Variants in RNF111 observed in about 807,000 individuals in gnomAD.
RNF111 encodes the protein E3 ubiquitin-protein ligase Arkadia.
Under a neutral mutation model 95.1 loss-of-function variants are expected in RNF111, and 17 were observed. The observed-to-expected ratio is 0.18, with a 90% CI of 0.12 to 0.27. The LOEUF is 0.27. Among genes scored for constraint, RNF111 ranks in the 10% least tolerant of loss-of-function variants. The pLI, the probability that RNF111 is intolerant of heterozygous loss-of-function variation, is 1.00. For missense variants in RNF111, 1,189 were observed against 1,210.4 expected, an observed-to-expected ratio of 0.98 and a Z score of 0.26; for synonymous variants, 440 against 414.8, an observed-to-expected ratio of 1.06 and a Z score of -0.74.
chr15:59,090,756 A>C (rs1185944963), intron 11 of RNF111, among the ~76,000 whole-genome samples: 3 of 152,180 alleles, frequency 2.0e-5, no homozygotes, highest in African/African-American at 7.2e-5. Flanking sequence ...CATTTGCCTT[A>C]CTGTCTATGA....
chr15:59,060,900 C>T (rs2042408291), intron 5 of RNF111, among the ~76,000 whole-genome samples: 1 of 151,882 alleles, frequency 6.6e-6, no homozygotes, highest in Admixed American at 6.6e-5. Context: ...CTCCCAGGCT[C>T]AAGTGATCCT....
intron 2 of RNF111, among the ~76,000 whole-genome samples, chr15:59,037,080 G>A (rs1369328005): frequency 2.0e-5 from 3 of 151,300 alleles, no homozygotes; most frequent in African/African-American, 7.3e-5. Flanking sequence ...TAAGTGATGT[G>A]CCTGCCTCGG....
intron 2 of RNF111, among the ~76,000 whole-genome samples, chr15:59,046,594 C>A (rs141972852): frequency 2.5e-4 from 38 of 152,200 alleles, no homozygotes; most frequent in African/African-American, 8.9e-4. Context: ...GATCATAGAC[C>A]TAAATGTAAG....
chr15:59,069,478 A>G (rs935363), intron 6 of RNF111, among the ~76,000 whole-genome samples: 11,584 of 152,278 alleles, frequency 0.076, 596 homozygotes, highest in Admixed American at 0.19. Flanking sequence ...TGAGACATCA[A>G]TTATGTATAC....
chr15:59,052,031 A>G (rs2042009674), intron 2 of RNF111, among the ~76,000 whole-genome samples: 1 of 152,162 alleles, frequency 6.6e-6, no homozygotes, highest in African/African-American at 2.4e-5. Flanking sequence ...AAGATCTTAC[A>G]AATCATGTAG....
intron 5 of RNF111, among the ~76,000 whole-genome samples, chr15:59,058,997 G>A (rs1297364480): frequency 6.6e-6 from 1 of 152,188 alleles, no homozygotes; most frequent in African/African-American, 2.4e-5. Context: ...TGCCCAACAG[G>A]CCGGGTGTGA....
intron 6 of RNF111, among the ~76,000 whole-genome samples, chr15:59,073,924 G>C (rs773284621): frequency 5.9e-5 from 9 of 152,262 alleles, no homozygotes; most frequent in Non-Finnish European, 1.0e-4. Context: ...GTTGTGTTAG[G>C]TATGAAAACA....
At chr15:59,008,258 C>T (rs1393265907) in intron 1 of RNF111, among the ~76,000 whole-genome samples, 1 of 152,170 alleles carries the variant, frequency 6.6e-6, no homozygotes, top group African/African-American at 2.4e-5. Context: ...TTCTCTGTTG[C>T]CCAGGCTGCA....
intron 1 of RNF111, among the ~76,000 whole-genome samples, chr15:59,000,238 A>G (rs1245519236): frequency 7.1e-6 from 1 of 141,702 alleles, no homozygotes; most frequent in Non-Finnish European, 1.5e-5. Context: ...ATCTTAGTTC[A>G]CTACATTCTC....
At chr15:59,089,618 A>AATT in intron 10 of RNF111, 49 bp from the exon 11 acceptor site, 1 of 1,365,636 alleles carries the variant, frequency 7.3e-7, no homozygotes, top group Non-Finnish European at 1.0e-6. Context: ...ACAGTAAATC[A>AATT]CAAGTCTATT....
chr15:59,034,874 C>T (rs1455187448), intron 2 of RNF111, among the ~76,000 whole-genome samples: 1 of 152,200 alleles, frequency 6.6e-6, no homozygotes, highest in African/African-American at 2.4e-5. Context: ...ATATTAGTTA[C>T]TCTGGAACTT....
intron 3 of RNF111, among the ~76,000 whole-genome samples, chr15:59,052,991 C>T (rs982110589): frequency 2.6e-5 from 4 of 151,766 alleles, no homozygotes; most frequent in African/African-American, 4.8e-5. Context: ...GGGGATGGTA[C>T]CAAATTAAAA....
chr15:59,057,726 A>C (rs780901101), intron 4 of RNF111, among the ~76,000 whole-genome samples: 1 of 152,200 alleles, frequency 6.6e-6, no homozygotes, highest in Non-Finnish European at 1.5e-5. Flanking sequence ...CATGGAAAGG[A>C]GATTAAAACA....
intron 1 of RNF111, among the ~76,000 whole-genome samples, chr15:59,007,509 A>G (rs2039595928): frequency 6.6e-6 from 1 of 152,188 alleles, no homozygotes; most frequent in Non-Finnish European, 1.5e-5. Flanking sequence ...GGCTATTATG[A>G]GTAAAGCGAT....
At chr15:59,012,353 C>A (rs376019814) in intron 1 of RNF111, among the ~76,000 whole-genome samples, 1 of 152,098 alleles carries the variant, frequency 6.6e-6, no homozygotes, top group South Asian at 2.1e-4. Context: ...TAGGTAATTA[C>A]AGTATTTGAT....
chr15:59,033,893 C>T (rs2041038858), intron 2 of RNF111, among the ~76,000 whole-genome samples: 2 of 151,860 alleles, frequency 1.3e-5, no homozygotes, highest in Admixed American at 1.3e-4. Context: ...CAAGTACATT[C>T]AATGTTTTCT....
At chr15:59,070,061 G>A (rs60624328) in intron 6 of RNF111, among the ~76,000 whole-genome samples, 1,966 of 51,060 alleles carry the variant, frequency 0.039, 48 homozygotes, top group African/African-American at 0.08. Context: ...TTTTTTTTTA[G>A]AGAGGATCTT....
Position 59,039,904 on chromosome 15 carries a change from A to T in RNF111, c.880+8202A>T, listed in dbSNP as rs530044160. 2.6e-5 allele frequency among the ~76,000 whole-genome samples: 4 copies of T among 151,474 alleles called. No individual in the cohort carries two copies. The East Asian group carries it at 7.8e-4, about 30-fold the overall frequency. On this transcript the variant is annotated intron_variant, in intron 2 of 13. Transcript: ENST00000348370. ...GCTAATTTTTTGTGTTTTAGTAGAGACGGGGTTTCACCGTGTTGGCCAGCA... is the reference window on the plus strand; with the variant it reads ...GCTAATTTTTTGTGTTTTAGTAGAGTCGGGGTTTCACCGTGTTGGCCAGCA...
intron 13 of RNF111, chr15:59,093,511 A>G (rs747479681): frequency 5.1e-5 from 19 of 375,766 alleles, no homozygotes; most frequent in Middle Eastern, 7.3e-4. Flanking sequence ...GCACTCGGCT[A>G]TAGCATCTTT....
Sources: gnomAD v4.1 joint callset for allele counts (sites outside exome capture counted in the v4.1 genomes callset) on GRCh38, gnomAD v4.1.1 for gene constraint, MANE v1.5 for transcripts, NCBI Gene and HGNC (gene_info 2026-07-23, HGNC 2026-07-21) for gene names.